The following KIF20A variants were observed in gnomAD, a reference collection of about 807,000 sequenced individuals.
KIF20A encodes kinesin-like protein KIF20A.
Under a neutral mutation model 113.0 loss-of-function variants are expected in KIF20A, and 66 were observed. That is an observed-to-expected ratio of 0.58 (90% CI 0.48 to 0.72). KIF20A has a LOEUF of 0.72. Among genes scored for constraint, KIF20A ranks in the 30% least tolerant of loss-of-function variants. The pLI is 0.00. For synonymous variants in KIF20A, 376 were observed against 402.3 expected, an observed-to-expected ratio of 0.93 and a Z score of 0.78; for missense variants, 927 against 1,077.6, an observed-to-expected ratio of 0.86 and a Z score of 1.96.
intron 4 of KIF20A, chr5:138,181,931 AT>A (rs776818104): frequency 4.9e-6 from 3 of 613,786 alleles, no homozygotes; most frequent in Non-Finnish European, 8.5e-6. Flanking sequence ...TATTATCATT[AT>A]TTCCTTATTT....
chr5:138,186,220 G>A, intron 17 of KIF20A, 74 bp from the exon 18 acceptor site: 1 of 1,552,110 alleles, frequency 6.4e-7, no homozygotes, highest in African/African-American at 1.4e-5. Flanking sequence ...CTCTTCAAAT[G>A]GCTACCTGAC....
intron 1 of KIF20A, 56 bp from the exon 2 acceptor site, chr5:138,179,603 CG>C: frequency 1.4e-6 from 2 of 1,462,364 alleles, no homozygotes; most frequent in Non-Finnish European, 1.9e-6. Context: ...CTAAAATTCG[CG>C]GCCCCTTCTG....
rs1330162775 is a variant in KIF20A, at chr5:138,187,165, T to A, written c.2425T>A (p.Cys809Ser). 6.2e-7 allele frequency: 1 copy of A among 1,614,112 alleles called. No homozygotes were observed. The highest frequency in any genetic ancestry group is 8.5e-7 in the Non-Finnish European group (1 of 1,179,960). ...ACTGGACCTTCGGAAGAAGGCAGCA[T>A]GTATTGCTGAGCAGTATCATACTGT... ...VKLDLRKKAA[C>S]IAEQYHTVLK... The change falls in exon 19 of 19, where the codon TGT (cysteine) becomes AGT (serine). Residue 809 changes from cysteine (C) to serine (S), a missense_variant. Physicochemically the swap from Cys to Ser is moderately radical, Grantham distance 112. Coordinates refer to ENST00000394894, the MANE Select transcript of KIF20A (RefSeq NM_005733.3).
At position 138,185,134 on chromosome 5, in the gene KIF20A, G is replaced by A. The variant is rs1444931502; in HGVS notation, c.1863G>A (p.Met621Ile). 6.2e-7 allele frequency: 1 copy of A among 1,613,930 alleles called. No individual in the cohort carries two copies. The change falls in exon 15 of 19, where the codon ATG (methionine) becomes ATA (isoleucine). Residue 621 changes from methionine to isoleucine, a missense_variant. By Grantham distance (10) the Met-to-Ile change is conservative (BLOSUM62 1). Transcript: ENST00000394894. ...CCCAAAAGGAACTATTGGAGGAAAT[G>A]TATGAAGAAAAACTAAATATCCTCA... ...LDTQKELLEE[M>I]YEEKLNILKE...
At position 138,184,590 on chromosome 5, in the gene KIF20A, C is replaced by G. The variant is rs1268016428; in HGVS notation, c.1597C>G (p.Pro533Ala). ...FIKEHSLQVS[P>A]SLEKGAKADT... ...CAAGGAACATAGTCTTCAGGTATCC[C>G]CCAGCTTAGAGAAAGGGGCTAAGGC... The change falls in exon 13 of 19, where the codon CCC becomes GCC. Residue 533 changes from proline to alanine, a missense_variant. Pro to Ala is a conservative substitution (Grantham distance 27). Transcript: ENST00000394894. The G allele has an allele frequency of 1.9e-6, 3 of 1,614,158 alleles. No homozygotes were observed. Among genetic ancestry groups the G allele is most frequent in the Non-Finnish European group, 2.5e-6 (3 of 1,180,014 alleles).
rs772029156 is a variant in KIF20A, at chr5:138,184,285, G to C, written c.1399G>C (p.Val467Leu). The C allele has an allele frequency of 6.2e-7, 1 of 1,614,174 alleles. No individual in the cohort carries two copies. The highest frequency in any genetic ancestry group is 1.1e-5 in the South Asian group (1 of 91,086). ...CTTCCGTGACAGCAAGTTGACTCGAGTGTTCCAAGGTTTCTTCACAGGCCG... is the reference window on the plus strand; with the variant it reads ...CTTCCGTGACAGCAAGTTGACTCGACTGTTCCAAGGTTTCTTCACAGGCCG... ...VPFRDSKLTR[V>L]FQGFFTGRGR... The change falls in exon 12 of 19, where the codon GTG (valine) becomes CTG (leucine). Residue 467 changes from valine to leucine, a missense_variant. By Grantham distance (32) the Val-to-Leu change is conservative. Coordinates refer to ENST00000394894, the MANE Select transcript of KIF20A (RefSeq NM_005733.3).
chr5:138,186,337 C>A lies in KIF20A; in HGVS notation c.2261C>A (p.Ser754Tyr). 6.2e-7 allele frequency: 1 copy of A among 1,600,774 alleles called. No individual in the cohort carries two copies. Among genetic ancestry groups the A allele is most frequent in the Non-Finnish European group, 8.5e-7 (1 of 1,177,160 alleles). ...LRTELQKLGESLQSAERACCH... is the reference protein window; with the variant it reads ...LRTELQKLGEYLQSAERACCH... ...ACAGAGCTTCAGAAACTTGGTGAGTCTCTCCAATCAGCAGAGAGAGCTTGT... is the reference window on the plus strand; with the variant it reads ...ACAGAGCTTCAGAAACTTGGTGAGTATCTCCAATCAGCAGAGAGAGCTTGT... Residue 754 changes from serine to tyrosine, a missense_variant, in exon 18 of 19, where the codon TCT becomes TAT. Ser to Tyr is a moderately radical substitution (Grantham distance 144). Coordinates refer to ENST00000394894, the MANE Select transcript of KIF20A (RefSeq NM_005733.3).
At position 138,184,623 on chromosome 5, in the gene KIF20A, G is replaced by A; in HGVS notation, c.1630G>A (p.Gly544Ser). The A allele has an allele frequency of 6.2e-7, 1 of 1,614,166 alleles. No individual in the cohort carries two copies. Residue 544 changes from glycine to serine, a missense_variant, in exon 13 of 19, where the codon GGC becomes AGC. Transcript: ENST00000394894. Reference sequence around the variant, plus strand: ...AGAGAAAGGGGCTAAGGCAGACACAGGCCTTGATGATGATATTGAAAATGA... The same window carrying A: ...AGAGAAAGGGGCTAAGGCAGACACAAGCCTTGATGATGATATTGAAAATGA... ...SLEKGAKADT[G>S]LDDDIENEAD...
At position 138,183,227 on chromosome 5, in the gene KIF20A, T is replaced by A. The variant is rs1754689003; in HGVS notation, c.891T>A (p.Ile297=). ...CCCCACTACCTGTCCCGGCAAACATTCGCTTCTCCATCTGGATCTCATTCT... is the reference window on the plus strand; with the variant it reads ...CCCCACTACCTGTCCCGGCAAACATACGCTTCTCCATCTGGATCTCATTCT... ...DTAPLPVPAN[I]RFSIWISFFE... Residue 297 remains isoleucine (I), a synonymous_variant, in exon 8 of 19, where the codon ATT becomes ATA. Coordinates refer to ENST00000394894, the MANE Select transcript of KIF20A (RefSeq NM_005733.3). This position sits in a 1 kb window ranked among gnomAD's most constrained non-coding sequence, Gnocchi z 5.2. 2 of 1,614,172 alleles carry A rather than the reference T, an allele frequency of 1.2e-6. No individual in the cohort carries two copies. Among genetic ancestry groups the A allele is most frequent in the Non-Finnish European group, 1.7e-6 (2 of 1,180,034 alleles).
At position 138,184,122 on chromosome 5, in the gene KIF20A, A is replaced by AT; in HGVS notation, c.1352+17_1352+18insT. ...GCAGAACCGGTGAGCTTTTGACTAT[A>AT]ATTCCTGGGCTCTGCAATTTGCTAA... On this transcript the variant is annotated intron_variant, in intron 11 of 18. Transcript: ENST00000394894. The AT allele has an allele frequency of 6.2e-7, 1 of 1,614,006 alleles. No homozygotes were observed. The highest frequency in any genetic ancestry group is 1.1e-5 in the South Asian group (1 of 91,080).
chr5:138,181,367 C>T, intron 2 of KIF20A, 55 bp from the exon 3 acceptor site: 1 of 1,457,610 alleles, frequency 6.9e-7, no homozygotes, highest in Non-Finnish European at 9.6e-7. Flanking sequence ...TGCCCATTTG[C>T]TCAGAGGTAA....
Position 138,184,583 on chromosome 5 carries a change from G to C in KIF20A, c.1590G>C (p.Gln530His). 6.2e-7 allele frequency: 1 copy of C among 1,614,158 alleles called. No individual in the cohort carries two copies. The change falls in exon 13 of 19, where the codon CAG (glutamine) becomes CAC (histidine). Residue 530 changes from glutamine (Q) to histidine (H), a missense_variant. Coordinates refer to ENST00000394894, the MANE Select transcript of KIF20A (RefSeq NM_005733.3). Reference protein sequence around the residue: ...LHSFIKEHSLQVSPSLEKGAK... With the variant: ...LHSFIKEHSLHVSPSLEKGAK... ...CGTTCATCAAGGAACATAGTCTTCA[G>C]GTATCCCCCAGCTTAGAGAAAGGGG...
Position 138,184,626 on chromosome 5 carries a change from C to G in KIF20A, c.1633C>G (p.Leu545Val), listed in dbSNP as rs1018610890. ...LEKGAKADTG[L>V]DDDIENEADI... ...GAAAGGGGCTAAGGCAGACACAGGC[C>G]TTGATGATGATATTGAAAATGAAGC... Residue 545 changes from leucine to valine, a missense_variant, in exon 13 of 19, where the codon CTT (leucine) becomes GTT (valine). By Grantham distance (32) the Leu-to-Val change is conservative (BLOSUM62 1). Coordinates refer to ENST00000394894, the MANE Select transcript of KIF20A (RefSeq NM_005733.3). The G allele has an allele frequency of 5.6e-6, 9 of 1,613,964 alleles. No homozygotes were observed. The African/African-American group carries it at 1.1e-4, about 19-fold the overall frequency.
At position 138,183,484 on chromosome 5, in the gene KIF20A, C is replaced by T. The variant is rs760079014; in HGVS notation, c.1042C>T (p.His348Tyr). ...TTTGGCCCCAGATCTCAACTGGATT[C>T]ATGTGCAAGATGCTGAGGAGGCCTG... ...NPYVKDLNWI[H>Y]VQDAEEAWKL... Residue 348 changes from histidine to tyrosine, a missense_variant, in exon 9 of 19, where the codon CAT becomes TAT. His to Tyr is a moderately conservative substitution (Grantham distance 83). Coordinates refer to ENST00000394894, the MANE Select transcript of KIF20A (RefSeq NM_005733.3). This position sits in a 1 kb window ranked among gnomAD's most constrained non-coding sequence, Gnocchi z 5.2. The T allele has an allele frequency of 1.9e-6, 3 of 1,614,088 alleles. No homozygotes were observed. In the South Asian group the frequency reaches 3.3e-5, roughly 18 times the overall value.
In KIF20A at chr5:138,183,565, C is replaced by G; in HGVS notation, c.1123C>G (p.Gln375Glu). The G allele has an allele frequency of 5.0e-6, 8 of 1,614,026 alleles. No homozygotes were observed. Among genetic ancestry groups the G allele is most frequent in the Non-Finnish European group, 6.8e-6 (8 of 1,179,978 alleles). ...GAGCTTTGCCAGCACCCACCTCAAC[C>G]AGAACTCCAGCCGCAGGTGAGTAGA... ...NQSFASTHLN[Q>E]NSSRSHSIFS... Residue 375 changes from glutamine to glutamate, a missense_variant, in exon 9 of 19, where the codon CAG (glutamine) becomes GAG (glutamate). By Grantham distance (29) the Gln-to-Glu change is conservative. Coordinates refer to ENST00000394894, the MANE Select transcript of KIF20A (RefSeq NM_005733.3). The surrounding 1 kb of genome is among the most constrained non-coding windows in gnomAD (Gnocchi z 5.2).
At position 138,182,932 on chromosome 5, in the gene KIF20A, C is replaced by G. The variant is rs1172861612; in HGVS notation, c.774C>G (p.Asp258Glu). The G allele has an allele frequency of 1.2e-6, 2 of 1,614,190 alleles. No individual in the cohort carries two copies. The highest frequency in any genetic ancestry group is 1.7e-6 in the Non-Finnish European group (2 of 1,180,032). ...GGATAGGTACCAGCACCAGCTTCGACAGTGGCATTGCTGGGCTCTCTTCTA... is the reference window on the plus strand; with the variant it reads ...GGATAGGTACCAGCACCAGCTTCGAGAGTGGCATTGCTGGGCTCTCTTCTA... ...ESRIGTSTSF[D>E]SGIAGLSSIS... is the part of the protein sequence containing the mutation. The change falls in exon 7 of 19, where the codon GAC becomes GAG. Residue 258 changes from aspartate (D) to glutamate (E), a missense_variant. Asp to Glu is a conservative substitution (Grantham distance 45). Transcript: ENST00000394894.
chr5:138,182,245 G>A (rs1754671463), intron 4 of KIF20A, 78 bp from the exon 5 acceptor site: 1 of 1,518,312 alleles, frequency 6.6e-7, no homozygotes, highest in Non-Finnish European at 8.9e-7. Context: ...ACTCAGGAAG[G>A]AATATATCTG....
rs769307774 is a variant in KIF20A at position 138,183,670 on chromosome 5, G to A, written c.1140-18G>A. On this transcript the variant is annotated intron_variant, in intron 9 of 18. Coordinates refer to ENST00000394894, the MANE Select transcript of KIF20A (RefSeq NM_005733.3). This position sits in a 1 kb window ranked among gnomAD's most constrained non-coding sequence, Gnocchi z 5.2. ...CATGGAAAATGTGCAATGACTTTTT[G>A]TTTTTCTTAACTTCCAGTCACAGCA... The A allele has an allele frequency of 6.2e-7, 1 of 1,612,954 alleles. No individual in the cohort carries two copies. Among genetic ancestry groups the A allele is most frequent in the African/African-American group, 1.3e-5 (1 of 75,008 alleles).
chr5:138,179,533 AT>A, intron 1 of KIF20A, 126 bp from the exon 2 acceptor site: 1 of 686,976 alleles, frequency 1.5e-6, no homozygotes, highest in East Asian at 2.6e-5. Context: ...TTTGCCGATA[AT>A]TGGAGGGGAA....
Sources: gnomAD v4.1 joint callset for allele counts on GRCh38, gnomAD v4.1.1 for gene constraint, Gnocchi (gnomAD v3.1) non-coding constraint, MANE v1.5 for transcripts, NCBI Gene and HGNC (gene_info 2026-07-23, HGNC 2026-07-21) for gene names.